CAPZB: variants seen among roughly 807,000 people sequenced by gnomAD.
The protein encoded by CAPZB is capping actin protein of muscle Z-line subunit beta.
CAPZB carries 2 observed loss-of-function variants against 38.1 expected under a neutral mutation model. The observed-to-expected ratio is 0.05, with a 90% CI of 0.02 to 0.17. The LOEUF (loss-of-function observed/expected upper bound fraction) is 0.17. Among genes scored for constraint, CAPZB ranks in the 10% least tolerant of loss-of-function variants. The pLI, the probability that CAPZB is intolerant of heterozygous loss-of-function variation, is 1.00. For synonymous variants in CAPZB, 107 were observed against 127.4 expected (o/e 0.84, Z 1.08); for missense variants, 161 against 334.2 (o/e 0.48, Z 4.04).
chr1:19,449,001 G>T, intron 1 of CAPZB: 2 of 1,573,834 alleles, frequency 1.3e-6, no homozygotes, highest in South Asian at 2.3e-5. Flanking sequence ...CGTGACTAGG[G>T]ACGCTGCCCC....
intron 1 of CAPZB, among the ~76,000 whole-genome samples, chr1:19,479,730 C>A (rs564584562): frequency 2.4e-4 from 37 of 152,296 alleles, no homozygotes; most frequent in African/African-American, 8.2e-4. Flanking sequence ...AGCCAGAGGG[C>A]TCTTCCTAAA....
At chr1:19,396,271 A>C (rs1488623561) in intron 2 of CAPZB, among the ~76,000 whole-genome samples, 2 of 152,172 alleles carry the variant, frequency 1.3e-5, no homozygotes, top group Non-Finnish European at 2.9e-5. Context: ...GGGATGGTGG[A>C]AAACTAGGGC....
chr1:19,452,092 C>A (rs1224949325), intron 1 of CAPZB, among the ~76,000 whole-genome samples: 1 of 152,112 alleles, frequency 6.6e-6, no homozygotes, highest in African/African-American at 2.4e-5. Context: ...CCAAGACTTA[C>A]CTGGCCAGTC....
At chr1:19,381,614 G>A (rs1417970739) in intron 3 of CAPZB, among the ~76,000 whole-genome samples, 2 of 151,908 alleles carry the variant, frequency 1.3e-5, no homozygotes, top group African/African-American at 4.8e-5. Context: ...CTGTCGCCCA[G>A]GCTGGAGTGC....
At chr1:19,414,533 GAACTAAA>G (rs1280808627) in intron 2 of CAPZB, among the ~76,000 whole-genome samples, 1 of 152,144 alleles carries the variant, frequency 6.6e-6, no homozygotes, top group Non-Finnish European at 1.5e-5. Context: ...AGAAGTGAAG[GAACTAAA>G]AACATGAAGT....
At chr1:19,368,785 A>C (rs1439644240) in intron 4 of CAPZB, among the ~76,000 whole-genome samples, 1 of 151,566 alleles carries the variant, frequency 6.6e-6, no homozygotes, top group Non-Finnish European at 1.5e-5. Context: ...CTCCCACCTC[A>C]GCCCCCAGAC....
chr1:19,409,448 A>C (rs1431116596), intron 2 of CAPZB, among the ~76,000 whole-genome samples: 1 of 152,196 alleles, frequency 6.6e-6, no homozygotes, highest in Non-Finnish European at 1.5e-5. Flanking sequence ...ACTACTAGTG[A>C]GGACCAAAGT....
chr1:19,378,230 A>C (rs2094153446), intron 4 of CAPZB, among the ~76,000 whole-genome samples: 1 of 152,238 alleles, frequency 6.6e-6, no homozygotes, highest in Non-Finnish European at 1.5e-5. Flanking sequence ...GCACTGTACC[A>C]GTGGCACCTG....
At chr1:19,389,971 T>C (rs2094223942) in intron 2 of CAPZB, among the ~76,000 whole-genome samples, 1 of 152,208 alleles carries the variant, frequency 6.6e-6, no homozygotes, top group African/African-American at 2.4e-5. Flanking sequence ...GTGAATTGAC[T>C]CCACACCTAC....
chr1:19,386,658 C>CA (rs1238275450), intron 2 of CAPZB, among the ~76,000 whole-genome samples: 1 of 152,218 alleles, frequency 6.6e-6, no homozygotes, highest in African/African-American at 2.4e-5. Context: ...AAGAGACAGG[C>CA]AGGGACAGGG....
chr1:19,381,088 G>A (rs1350854613), intron 3 of CAPZB, among the ~76,000 whole-genome samples: 1 of 152,072 alleles, frequency 6.6e-6, no homozygotes, highest in African/African-American at 2.4e-5. Flanking sequence ...AGAATCACTT[G>A]AACCCAGAAG....
chr1:19,392,390 C>T (rs1486696674), intron 2 of CAPZB, among the ~76,000 whole-genome samples: 1 of 152,024 alleles, frequency 6.6e-6, no homozygotes, highest in Non-Finnish European at 1.5e-5. Context: ...GGCTCTGCTG[C>T]AGAGGCCACT....
At chr1:19,401,808 A>C (rs1189975797) in intron 2 of CAPZB, among the ~76,000 whole-genome samples, 2 of 152,182 alleles carry the variant, frequency 1.3e-5, no homozygotes, top group Non-Finnish European at 2.9e-5. Flanking sequence ...GACGACCTAT[A>C]ATAACATAAG....
intron 1 of CAPZB, among the ~76,000 whole-genome samples, chr1:19,475,913 A>C (rs1385516345): frequency 1.3e-5 from 2 of 152,122 alleles, no homozygotes; most frequent in African/African-American, 4.8e-5. Flanking sequence ...CTGCTTCAGC[A>C]CCCCAAGACT....
At chr1:19,485,276 C>A (rs529400503) in intron 1 of CAPZB, among the ~76,000 whole-genome samples, 160 bp downstream of exon 1, 3 of 152,066 alleles carry the variant, frequency 2.0e-5, no homozygotes, top group East Asian at 2.0e-4. Flanking sequence ...GCCGGCGGCA[C>A]CCTCCTGGGC....
rs1479355289 is a variant in CAPZB at position 19,356,050 on chromosome 1, G to A, written c.588+585C>T. On this transcript the variant is annotated intron_variant, in intron 6 of 8. Transcript: ENST00000264202. This position sits in a 1 kb window ranked among gnomAD's most constrained non-coding sequence, Gnocchi z 4.3. The stretch of plus-strand genomic sequence containing the variant: ...TGCTAGTGATACCCAAACAAAAGAT[G>A]GATAAGAGAGAGGTATCCAGTAGGG... 3.3e-5 allele frequency among the ~76,000 whole-genome samples: 5 copies of A among 152,076 alleles called. No homozygotes were observed. Among genetic ancestry groups the A allele is most frequent in the African/African-American group, 7.2e-5 (3 of 41,400 alleles).
chr1:19,467,594 T>A (rs979702254), intron 1 of CAPZB, among the ~76,000 whole-genome samples: 2 of 152,174 alleles, frequency 1.3e-5, no homozygotes, highest in Admixed American at 6.5e-5. Flanking sequence ...GAGACTACTA[T>A]CAGAATGGCC....
chr1:19,372,024 G>A (rs1488448984), intron 4 of CAPZB, among the ~76,000 whole-genome samples: 2 of 152,236 alleles, frequency 1.3e-5, no homozygotes, highest in Admixed American at 1.3e-4. Flanking sequence ...TCCTGGAGAG[G>A]CCCTTGGGCC....
chr1:19,462,261 G>T (rs535812949), intron 1 of CAPZB, among the ~76,000 whole-genome samples: 1 of 151,462 alleles, frequency 6.6e-6, no homozygotes, highest in South Asian at 2.1e-4. Context: ...GACCATCCTG[G>T]CTAACACGGT....
Sources: gnomAD v4.1 joint callset for allele counts (sites outside exome capture counted in the v4.1 genomes callset) on GRCh38, gnomAD v4.1.1 for gene constraint, Gnocchi (gnomAD v3.1) non-coding constraint, MANE v1.5 for transcripts, NCBI Gene and HGNC (gene_info 2026-07-23, HGNC 2026-07-21) for gene names.